The following SYNE2 variants were observed in gnomAD, a reference collection of about 807,000 sequenced individuals.
SYNE2 encodes the protein spectrin repeat containing nuclear envelope protein 2, also known as nesprin-2.
A neutral mutation model predicts 856.3 loss-of-function variants in SYNE2; 431 were observed. The ratio of observed to expected loss-of-function variants is 0.50; its 90% CI spans 0.47 to 0.55. The LOEUF (loss-of-function observed/expected upper bound fraction) is 0.55, where lower values mean the gene tolerates loss of function less well. SYNE2 is among the 20% of genes least tolerant of loss of function. The probability of loss-of-function intolerance (pLI) is 0.00; values close to 1 mark genes in which losing one functional copy is unlikely to be tolerated. For synonymous variants in SYNE2, 2,923 were observed against 2,872.3 expected (o/e 1.02, Z -0.56); for missense variants, 8,129 against 8,023.2 (o/e 1.01, Z -0.50).
intron 30 of SYNE2, among the ~76,000 whole-genome samples, chr14:64,005,026 T>A (rs117951391): frequency 0.021 from 3,201 of 152,298 alleles, 55 homozygotes; most frequent in Non-Finnish European, 0.029. Flanking sequence ...AGAAATAGCC[T>A]TCTAGGCAGA....
intron 52 of SYNE2, among the ~76,000 whole-genome samples, chr14:64,072,503 C>CTT (rs35527459): frequency 2.1e-5 from 3 of 143,866 alleles, no homozygotes; most frequent in South Asian, 4.4e-4. Context: ...TATACTTCTC[C>CTT]TTTTTTTTTT....
intron 45 of SYNE2, among the ~76,000 whole-genome samples, chr14:64,031,929 G>C (rs115236621): frequency 0.012 from 1,852 of 152,278 alleles, 38 homozygotes; most frequent in African/African-American, 0.042. Context: ...CTCTTAAAGT[G>C]CGTTTTCATA....
chr14:63,936,086 G>A (rs1254459517), intron 2 of SYNE2, among the ~76,000 whole-genome samples: 3 of 152,096 alleles, frequency 2.0e-5, no homozygotes, highest in Admixed American at 1.3e-4. Flanking sequence ...TGTTGGCCAC[G>A]CTGGTCTCGA....
Position 64,214,312 on chromosome 14 carries a change from C to T in SYNE2, c.19175C>T (p.Ser6392Phe). The T allele has an allele frequency of 6.2e-7, 1 of 1,614,150 alleles. No homozygotes were observed. Among genetic ancestry groups the T allele is most frequent in the South Asian group, 1.1e-5 (1 of 91,070 alleles). ...AGCGAGGAACCGTCATCTCCTCAGT[C>T]CCTGTGTCATCTAGTGGCCCCAGGG... ...GESEEPSSPQ[S>F]LCHLVAPGHE... is the part of the protein sequence containing the mutation. The change falls in exon 106 of 116, where the codon TCC becomes TTC. Residue 6392 changes from serine to phenylalanine, a missense_variant. Ser to Phe is a radical substitution (Grantham distance 155). Coordinates refer to ENST00000555002, the MANE Select transcript of SYNE2 (RefSeq NM_182914.3).
In SYNE2 at chr14:64,218,622, G is replaced by T; in HGVS notation, c.19657+110G>T. 5.7e-6 allele frequency: 6 copies of T among 1,048,560 alleles called. No homozygotes were observed. The South Asian group carries it at 8.1e-5, about 14-fold the overall frequency. The allele number at this position is 1,048,560 out of a possible 1,614,324, so 65.0% of individuals were successfully genotyped here. On this transcript the variant is annotated intron_variant, in intron 109 of 115. Coordinates refer to ENST00000555002, the MANE Select transcript of SYNE2 (RefSeq NM_182914.3). ...CCAACTATACGATTCGCCAGAACTG[G>T]GGGACTTACCCTACAACAACCAATG...
At chr14:64,139,063 A>C (rs1274056236) in intron 79 of SYNE2, among the ~76,000 whole-genome samples, 1 of 151,842 alleles carries the variant, frequency 6.6e-6, no homozygotes, top group Non-Finnish European at 1.5e-5. Flanking sequence ...GGCTCACTGC[A>C]GCCTTGACCT....
intron 1 of SYNE2, among the ~76,000 whole-genome samples, chr14:63,857,976 C>T (rs1021326261): frequency 1.3e-5 from 2 of 152,084 alleles, no homozygotes; most frequent in East Asian, 1.9e-4. Context: ...TTTATTGGCT[C>T]ATGGTTCTAG....
chr14:63,934,278 G>GT (rs1191791625), intron 2 of SYNE2, among the ~76,000 whole-genome samples: 3 of 152,084 alleles, frequency 2.0e-5, no homozygotes, highest in Middle Eastern at 3.2e-3. Context: ...TCCTCTTAGT[G>GT]TTTTTTCCCT....
At chr14:64,217,812 T>C (rs55770157) in intron 108 of SYNE2, among the ~76,000 whole-genome samples, 1,569 of 152,264 alleles carry the variant, frequency 0.01, 16 homozygotes, top group Non-Finnish European at 0.017. Context: ...AAAGCAGGGC[T>C]TTTCTAAAAG....
intron 45 of SYNE2, among the ~76,000 whole-genome samples, chr14:64,043,334 T>C (rs2097162435): frequency 6.6e-6 from 1 of 152,128 alleles, no homozygotes; most frequent in Non-Finnish European, 1.5e-5. Flanking sequence ...GACAATACGA[T>C]AGAAAAGAAA....
chr14:64,225,487 C>T lies in SYNE2; in HGVS notation c.20685C>T (p.Tyr6895=), dbSNP rs1188032866. Reference sequence around the variant, plus strand: ...CCAACAACTTTGCCCGGTCCTTTTACCCCATGCTGAGGTACACCAATGGGC... The same window carrying T: ...CCAACAACTTTGCCCGGTCCTTTTATCCCATGCTGAGGTACACCAATGGGC... ...TQANNFARSF[Y]PMLRYTNGPP... The change falls in exon 116 of 116, where the codon TAC becomes TAT. Residue 6895 remains tyrosine, a synonymous_variant. Transcript: ENST00000555002. 4 of 1,614,230 alleles carry T rather than the reference C, an allele frequency of 2.5e-6. No homozygotes were observed. The highest frequency in any genetic ancestry group is 3.4e-6 in the Non-Finnish European group (4 of 1,180,034).
intron 1 of SYNE2, among the ~76,000 whole-genome samples, chr14:63,799,964 T>G (rs1327919432): frequency 6.6e-6 from 1 of 152,202 alleles, no homozygotes; most frequent in Non-Finnish European, 1.5e-5. Context: ...AGGAATTTGT[T>G]GTACAGAATT....
chr14:64,137,043 A>G (rs1340093920), intron 78 of SYNE2, among the ~76,000 whole-genome samples: 1 of 152,198 alleles, frequency 6.6e-6, no homozygotes, highest in Admixed American at 6.5e-5. Context: ...AGACACTGGC[A>G]ATCCTGATTA....
chr14:64,046,341 T>C (rs2097186320), intron 45 of SYNE2, among the ~76,000 whole-genome samples: 2 of 152,194 alleles, frequency 1.3e-5, no homozygotes, highest in Admixed American at 6.5e-5. Context: ...TAAGACATAA[T>C]TTATCCTTTC....
At chr14:63,867,392 AAAAAAAG>A (rs898934364) in intron 1 of SYNE2, among the ~76,000 whole-genome samples, 5 of 148,844 alleles carry the variant, frequency 3.4e-5, no homozygotes, top group African/African-American at 1.2e-4. Flanking sequence ...AAAAAAAAAA[AAAAAAAG>A]AGAGAGAGAG....
intron 2 of SYNE2, among the ~76,000 whole-genome samples, chr14:63,934,169 CA>C (rs1222952329): frequency 6.6e-6 from 1 of 152,140 alleles, no homozygotes; most frequent in Non-Finnish European, 1.5e-5. Flanking sequence ...GTTTAAAAGC[CA>C]TGCAGATTTC....
Position 64,132,301 on chromosome 14 carries a change from A to T in SYNE2, c.14377A>T (p.Ile4793Phe). Reference sequence around the variant, plus strand: ...GAAGCTTGTTGCTGACATGTTGTTGATCCAAGCATACTCTGCCAAAATACT... The same window carrying T: ...GAAGCTTGTTGCTGACATGTTGTTGTTCCAAGCATACTCTGCCAAAATACT... ...FQKLVADMLLIQAYSAKILPS... is the reference protein window; with the variant it reads ...FQKLVADMLLFQAYSAKILPS... The change falls in exon 77 of 116, where the codon ATC becomes TTC. Residue 4793 changes from isoleucine to phenylalanine, a missense_variant. Around this residue, in one of 3 missense-constraint regions of SYNE2, gnomAD observed 5,410 missense variants for 5,284.8 expected, o/e 1.02. Coordinates refer to ENST00000555002, the MANE Select transcript of SYNE2 (RefSeq NM_182914.3). 1.9e-6 allele frequency: 3 copies of T among 1,613,974 alleles called. No individual in the cohort carries two copies. Among genetic ancestry groups the T allele is most frequent in the Non-Finnish European group, 2.5e-6 (3 of 1,180,034 alleles).
chr14:63,772,272 T>G (rs963860781), intron 1 of SYNE2, among the ~76,000 whole-genome samples: 1 of 152,032 alleles, frequency 6.6e-6, no homozygotes, highest in Non-Finnish European at 1.5e-5. Context: ...GAGGATTGCT[T>G]GAGGCCAGGA....
rs766240949 is a variant in SYNE2 at position 64,021,887 on chromosome 14, C to T, written c.5383C>T (p.His1795Tyr). 1 of 1,613,946 alleles carries T rather than the reference C, an allele frequency of 6.2e-7. No individual in the cohort carries two copies. The highest frequency in any genetic ancestry group is 2.2e-5 in the East Asian group (1 of 44,808). ...ACAACAGCAGATTCTACAGCAAAAACACAGTATGATATTACTTGAGAATCA... is the reference window on the plus strand; with the variant it reads ...ACAACAGCAGATTCTACAGCAAAAATACAGTATGATATTACTTGAGAATCA... The part of the protein sequence containing the change: ...EIQQQILQQK[H>Y]SMILLENQIG... Residue 1795 changes from histidine to tyrosine, a missense_variant, in exon 37 of 116, where the codon CAC becomes TAC. Transcript: ENST00000555002.
Sources: gnomAD v4.1 joint callset for allele counts (sites outside exome capture counted in the v4.1 genomes callset) on GRCh38, gnomAD v4.1.1 for gene constraint, gnomAD v4.1.1 regional missense constraint, MANE v1.5 for transcripts, NCBI Gene and HGNC (gene_info 2026-07-23, HGNC 2026-07-21) for gene names.